Variants in ASIC2 observed in about 807,000 individuals in gnomAD.
ASIC2 encodes acid sensing ion channel subunit 2, also known as acid-sensing ion channel 2.
A neutral mutation model predicts 57.3 loss-of-function variants in ASIC2; 25 were observed. The observed-to-expected ratio is 0.44, with a 90% CI of 0.32 to 0.61. ASIC2 has a LOEUF of 0.61. ASIC2 is among the 20% of genes least tolerant of loss of function. The pLI is 0.06. For synonymous variants in ASIC2, 319 were observed against 307.5 expected, an observed-to-expected ratio of 1.04 and a Z score of -0.39; for missense variants, 641 against 738.1, an observed-to-expected ratio of 0.87 and a Z score of 1.52.
chr17:33,872,266 G>A (rs17783695), intron 1 of ASIC2, among the ~76,000 whole-genome samples: 10,160 of 152,114 alleles, frequency 0.067, 349 homozygotes, highest in Middle Eastern at 0.092. Flanking sequence ...ACAGAACATC[G>A]GGCCACAGAA....
At chr17:33,338,763 G>T (rs770494657) in intron 1 of ASIC2, among the ~76,000 whole-genome samples, 3 of 152,044 alleles carry the variant, frequency 2.0e-5, no homozygotes, top group East Asian at 1.9e-4. Flanking sequence ...AGAGGAAAAA[G>T]CTGTCTAAAA....
intron 1 of ASIC2, chr17:33,935,573 G>A (rs550741220): frequency 6.6e-6 from 1 of 152,260 alleles, no homozygotes; most frequent in East Asian, 1.9e-4. Context: ...CATCCATGGT[G>A]CCAAGCCCCT....
At chr17:33,664,464 A>G (rs1205657006) in intron 1 of ASIC2, among the ~76,000 whole-genome samples, 1 of 152,236 alleles carries the variant, frequency 6.6e-6, no homozygotes, top group Non-Finnish European at 1.5e-5. Context: ...AAAGTGGAGT[A>G]TACAAGATGA....
intron 3 of ASIC2, among the ~76,000 whole-genome samples, chr17:33,047,287 T>C (rs2091959437): frequency 6.6e-6 from 1 of 152,154 alleles, no homozygotes; most frequent in African/African-American, 2.4e-5. Flanking sequence ...ATCCTTGGCA[T>C]ACTGGGGCAC....
chr17:33,581,834 T>C (rs942232150), intron 1 of ASIC2, among the ~76,000 whole-genome samples: 5 of 152,226 alleles, frequency 3.3e-5, no homozygotes, highest in Non-Finnish European at 7.3e-5. Flanking sequence ...CCTTTGCTCC[T>C]TTGCTACTCT....
chr17:33,761,238 G>A (rs765977800), intron 1 of ASIC2, among the ~76,000 whole-genome samples: 6 of 152,176 alleles, frequency 3.9e-5, no homozygotes, highest in Non-Finnish European at 8.8e-5. Flanking sequence ...CAGTTTAAGA[G>A]ATTTTGTTGG....
chr17:33,362,034 G>A (rs1908628351), intron 1 of ASIC2, among the ~76,000 whole-genome samples: 1 of 152,170 alleles, frequency 6.6e-6, no homozygotes, highest in African/African-American at 2.4e-5. Flanking sequence ...AGTTTCTGCT[G>A]TGTGTTATAC....
At chr17:34,081,683 G>A (rs1909889853) in intron 1 of ASIC2, among the ~76,000 whole-genome samples, 1 of 152,132 alleles carries the variant, frequency 6.6e-6, no homozygotes, top group Admixed American at 6.6e-5. Flanking sequence ...ATTATAATTT[G>A]CTCTATCTTT....
chr17:33,729,881 AG>A (rs1909685701), intron 1 of ASIC2, among the ~76,000 whole-genome samples: 2 of 152,204 alleles, frequency 1.3e-5, no homozygotes, highest in Non-Finnish European at 2.9e-5. Flanking sequence ...CTAATTATTC[AG>A]CTGGTTCTTT....
chr17:34,085,351 T>C (rs12103788), intron 1 of ASIC2, among the ~76,000 whole-genome samples: 30,331 of 152,124 alleles, frequency 0.2, 4,037 homozygotes, highest in African/African-American at 0.38. Flanking sequence ...TACTGATTTG[T>C]GTATATTGAA....
At chr17:33,127,137 G>A (rs1367540404) in intron 1 of ASIC2, among the ~76,000 whole-genome samples, 1 of 149,406 alleles carries the variant, frequency 6.7e-6, no homozygotes, top group Non-Finnish European at 1.5e-5. Flanking sequence ...CCAAAGTGCT[G>A]GGATTACAGG....
chr17:33,640,686 T>C (rs772398979), intron 1 of ASIC2, among the ~76,000 whole-genome samples: 44 of 152,338 alleles, frequency 2.9e-4, no homozygotes, highest in Non-Finnish European at 5.6e-4. Context: ...TAGAAATGCG[T>C]GTCAATGTTA....
At chr17:33,566,521 G>A (rs577516297) in intron 1 of ASIC2, among the ~76,000 whole-genome samples, 6 of 152,128 alleles carry the variant, frequency 3.9e-5, no homozygotes, top group Non-Finnish European at 8.8e-5. Flanking sequence ...TGAACTAAGG[G>A]CACAAAACAT....
chr17:33,104,495 C>A (rs1298242453), intron 2 of ASIC2, among the ~76,000 whole-genome samples: 1 of 152,194 alleles, frequency 6.6e-6, no homozygotes, highest in African/African-American at 2.4e-5. Flanking sequence ...AGTGGTGCCT[C>A]AGGGTTGGTC....
intron 1 of ASIC2, among the ~76,000 whole-genome samples, chr17:33,233,320 C>A (rs1908175636): frequency 6.6e-6 from 1 of 151,908 alleles, no homozygotes; most frequent in East Asian, 1.9e-4. Flanking sequence ...AACCCCCACA[C>A]TGCCTGGCTG....
At position 33,259,977 on chromosome 17, in the gene ASIC2, T is replaced by C. The variant is rs564799845; in HGVS notation, c.708+31431A>G. ...ACTTTGGGACGCTCTATATTAAAGATGCTGAGGGATATTGGCTGAGTGCGG... is the reference window on the plus strand; with the variant it reads ...ACTTTGGGACGCTCTATATTAAAGACGCTGAGGGATATTGGCTGAGTGCGG... On this transcript the variant is annotated intron_variant, in intron 1 of 9. Coordinates refer to ENST00000225823, the MANE Select transcript of ASIC2 (RefSeq NM_183377.2). 8.5e-4 allele frequency among the ~76,000 whole-genome samples: 129 copies of C among 152,260 alleles called. 1 individual carries two copies. Among genetic ancestry groups the C allele is most frequent in the Middle Eastern group, 3.4e-3 (1 of 294 alleles).
At chr17:33,884,624 T>TA (rs1914783603) in intron 1 of ASIC2, among the ~76,000 whole-genome samples, 1 of 152,070 alleles carries the variant, frequency 6.6e-6, no homozygotes, top group African/African-American at 2.4e-5. Context: ...TGCTCTGCCT[T>TA]ACACTACCCC....
chr17:33,455,418 A>G (rs1248395070), intron 1 of ASIC2, among the ~76,000 whole-genome samples: 3 of 152,172 alleles, frequency 2.0e-5, no homozygotes, highest in East Asian at 3.9e-4. Context: ...TTTAGCTCCC[A>G]CTTATAAAGG....
intron 1 of ASIC2, among the ~76,000 whole-genome samples, chr17:33,859,050 T>TA (rs1300261785): frequency 2.0e-5 from 3 of 152,344 alleles, no homozygotes; most frequent in Admixed American, 1.3e-4. Context: ...GCTGAGTATG[T>TA]ACTACATGCC....
Sources: allele counts gnomAD v4.1 joint callset (sites outside exome capture counted in the v4.1 genomes callset), GRCh38; gene constraint gnomAD v4.1.1; transcripts MANE v1.5; gene names NCBI Gene and HGNC (gene_info 2026-07-23, HGNC 2026-07-21).